EML6: variants seen among roughly 807,000 people sequenced by gnomAD.
EML6 encodes the protein echinoderm microtubule-associated protein-like 6.
EML6 carries 154 observed loss-of-function variants against 240.1 expected under a neutral mutation model. The observed-to-expected ratio is 0.64, with a 90% CI of 0.56 to 0.73. The LOEUF (loss-of-function observed/expected upper bound fraction) is 0.73. EML6 is among the 30% of genes least tolerant of loss of function. The pLI, the probability that EML6 is intolerant of heterozygous loss-of-function variation, is 0.00. For synonymous variants in EML6, 1,148 were observed against 899.0 expected (o/e 1.28, Z -4.95); for missense variants, 2,964 against 2,474.6 (o/e 1.20, Z -4.20).
In EML6 at chr2:54,943,880, A is replaced by G. The variant is rs80256607; in HGVS notation, c.4005-5002A>G. Among the ~76,000 whole-genome samples, 626 of 152,334 alleles carry G rather than the reference A, an allele frequency of 4.1e-3. 4 individuals are homozygous for G. Among genetic ancestry groups the G allele is most frequent in the African/African-American group, 0.01 (431 of 41,568 alleles). ...CCAGTGTGTATTTTATAGTTATAGC[A>G]CAATTCAAACTTTTGAAAGCCACAT... On this transcript the variant is annotated intron_variant, in intron 28 of 41. Transcript: ENST00000356458.
intron 26 of EML6, among the ~76,000 whole-genome samples, chr2:54,922,899 T>C (rs1674334605): frequency 6.9e-6 from 1 of 145,258 alleles, no homozygotes; most frequent in Admixed American, 6.9e-5. Context: ...GGAGAGTGGG[T>C]GGAAATGGGG....
intron 7 of EML6, 113 bp downstream of exon 7, chr2:54,829,590 T>A: frequency 2.6e-6 from 2 of 756,490 alleles, no homozygotes; most frequent in Non-Finnish European, 4.0e-6. Context: ...TATATAAATA[T>A]ATTGAATACA....
At chr2:54,967,312 C>T (rs1427190585) in intron 39 of EML6, 3 of 356,820 alleles carry the variant, frequency 8.4e-6, no homozygotes, top group Admixed American at 8.4e-5. Context: ...TGCGAAGCCC[C>T]TCTTTTTGTG....
At chr2:54,908,710 A>C (rs1222284080) in intron 24 of EML6, among the ~76,000 whole-genome samples, 1 of 152,122 alleles carries the variant, frequency 6.6e-6, no homozygotes, top group Non-Finnish European at 1.5e-5. Flanking sequence ...CACATGGCCC[A>C]GCCTCGGCTG....
At chr2:54,792,259 T>C (rs994665665) in intron 2 of EML6, among the ~76,000 whole-genome samples, 2 of 152,256 alleles carry the variant, frequency 1.3e-5, no homozygotes, top group Non-Finnish European at 1.5e-5. Context: ...ATTTTGTCCC[T>C]TTAATTGTAG....
Position 54,734,471 on chromosome 2 carries a change from G to A in EML6, c.197+9213G>A, listed in dbSNP as rs138400551. 3.0e-3 allele frequency among the ~76,000 whole-genome samples: 463 copies of A among 152,380 alleles called. 1 individual carries two copies. The highest frequency in any genetic ancestry group is 0.027 in the Middle Eastern group (8 of 294). ...TTGGAAGGCCAGTTGGGCATTAAGT[G>A]TTTGCCCACTGGGGTGCCAGTGCTA... On this transcript the variant is annotated intron_variant, in intron 2 of 41. Coordinates refer to ENST00000356458, the MANE Select transcript of EML6 (RefSeq NM_001039753.4).
intron 10 of EML6, among the ~76,000 whole-genome samples, chr2:54,851,858 G>C (rs895853789): frequency 2.0e-5 from 3 of 152,190 alleles, no homozygotes; most frequent in African/African-American, 7.2e-5. Context: ...TGAACTGGAG[G>C]TATCATCCGT....
intron 2 of EML6, among the ~76,000 whole-genome samples, chr2:54,729,832 G>A (rs1315934974): frequency 6.6e-6 from 1 of 152,192 alleles, no homozygotes. Context: ...CCTGGAAATG[G>A]GACCATGTTT....
chr2:54,804,023 G>C (rs1670329555), intron 2 of EML6, among the ~76,000 whole-genome samples: 1 of 152,144 alleles, frequency 6.6e-6, no homozygotes, highest in Non-Finnish European at 1.5e-5. Flanking sequence ...GTAATATTAG[G>C]CTTGCATTCT....
chr2:54,743,452 C>T (rs563465309), intron 2 of EML6, among the ~76,000 whole-genome samples: 10 of 152,294 alleles, frequency 6.6e-5, no homozygotes, highest in East Asian at 3.9e-4. Flanking sequence ...TTTTCAAAGA[C>T]GTATTTTATA....
At chr2:54,962,870 C>T (rs972312050) in intron 36 of EML6, among the ~76,000 whole-genome samples, 159 bp downstream of exon 36, 2 of 152,176 alleles carry the variant, frequency 1.3e-5, no homozygotes, top group African/African-American at 4.8e-5. Context: ...GCCCCACTCA[C>T]CACACCCCGT....
At chr2:54,934,021 C>G (rs1310855471) in intron 28 of EML6, among the ~76,000 whole-genome samples, 1 of 152,118 alleles carries the variant, frequency 6.6e-6, no homozygotes, top group African/African-American at 2.4e-5. Context: ...AATGAGACAA[C>G]ACGCAGTGAT....
At position 54,957,932 on chromosome 2, in the gene EML6, G is replaced by A. The variant is rs905806081; in HGVS notation, c.4629G>A (p.Lys1543=). The change falls in exon 33 of 42, where the codon AAG becomes AAA. Residue 1543 remains lysine (K), a synonymous_variant. Transcript: ENST00000356458. ...WTLAGSALLY[K]KGVIGSLGAA... ...TGGCAGGCAGCGCCTTGCTTTACAA[G>A]AAAGGGGTCATCGGGTCCCTGGGAG... The A allele has an allele frequency of 3.9e-6, 6 of 1,551,664 alleles. No individual in the cohort carries two copies. The East Asian group carries it at 1.5e-4, about 38-fold the overall frequency.
chr2:54,900,842 A>G (rs1673018316), intron 22 of EML6, among the ~76,000 whole-genome samples: 1 of 152,182 alleles, frequency 6.6e-6, no homozygotes, highest in Non-Finnish European at 1.5e-5. Context: ...ATTTGGCACA[A>G]AGTACCCTGG....
intron 5 of EML6, among the ~76,000 whole-genome samples, chr2:54,825,194 A>G (rs976521205): frequency 6.6e-6 from 1 of 152,212 alleles, no homozygotes. Flanking sequence ...AATTATTTTA[A>G]TCTTCATGCA....
Position 54,820,379 on chromosome 2 carries a change from T to C in EML6, c.457-15T>C, listed in dbSNP as rs1406222045. On this transcript the variant is annotated splice_polypyrimidine_tract_variant and intron_variant, in intron 4 of 41. Transcript: ENST00000356458. ...ACCAAATGATCAACATGGCAACTTT[T>C]AATGTTTTGAACAGATTTTTGATAT... 5 of 1,538,528 alleles carry C rather than the reference T, an allele frequency of 3.2e-6. No homozygotes were observed. Among genetic ancestry groups the C allele is most frequent in the Non-Finnish European group, 4.4e-6 (5 of 1,137,488 alleles).
At chr2:54,874,123 C>T (rs929597371) in intron 16 of EML6, among the ~76,000 whole-genome samples, 2 of 151,968 alleles carry the variant, frequency 1.3e-5, no homozygotes, top group African/African-American at 2.4e-5. Flanking sequence ...ATTTTAAATA[C>T]CTTTGGAAGA....
chr2:54,739,429 G>A (rs1683535571), intron 2 of EML6, among the ~76,000 whole-genome samples: 1 of 152,180 alleles, frequency 6.6e-6, no homozygotes, highest in South Asian at 2.1e-4. Context: ...GAAAATGAAG[G>A]TATAATTTTT....
intron 3 of EML6, among the ~76,000 whole-genome samples, chr2:54,814,758 T>C (rs1231299449): frequency 6.6e-6 from 1 of 152,236 alleles, no homozygotes; most frequent in African/African-American, 2.4e-5. Context: ...TTTTCTGCTA[T>C]TTTAAGAGAG....
Sources: allele counts gnomAD v4.1 joint callset (sites outside exome capture counted in the v4.1 genomes callset), GRCh38; gene constraint gnomAD v4.1.1; transcripts MANE v1.5; gene names NCBI Gene and HGNC (gene_info 2026-07-23, HGNC 2026-07-21).